The following ASIC2 variants were observed in gnomAD, a reference collection of about 807,000 sequenced individuals.
ASIC2 encodes acid sensing ion channel subunit 2.
Under a neutral mutation model 57.3 loss-of-function variants are expected in ASIC2, and 25 were observed. The ratio of observed to expected loss-of-function variants is 0.44; its 90% CI spans 0.32 to 0.61. The LOEUF (loss-of-function observed/expected upper bound fraction) is 0.61, where lower values mean the gene tolerates loss of function less well. Among genes scored for constraint, ASIC2 ranks in the 20% least tolerant of loss-of-function variants. The probability of loss-of-function intolerance (pLI) is 0.06; values close to 1 mark genes in which losing one functional copy is unlikely to be tolerated. For synonymous variants in ASIC2, 319 were observed against 307.5 expected (o/e 1.04, Z -0.39); for missense variants, 641 against 738.1 (o/e 0.87, Z 1.52).
intron 1 of ASIC2, among the ~76,000 whole-genome samples, chr17:33,552,742 C>A (rs957709194): frequency 1.3e-5 from 2 of 152,180 alleles, no homozygotes. Flanking sequence ...TTTGAGGTAA[C>A]AATTTTAGGG....
chr17:33,789,002 G>C (rs763563651), intron 1 of ASIC2, among the ~76,000 whole-genome samples: 7 of 152,080 alleles, frequency 4.6e-5, no homozygotes, highest in Admixed American at 3.3e-4. Flanking sequence ...TGCACATTCT[G>C]CACATGTATC....
intron 1 of ASIC2, among the ~76,000 whole-genome samples, chr17:33,338,201 GA>G (rs763002506): frequency 1.2e-4 from 18 of 151,864 alleles, no homozygotes; most frequent in Non-Finnish European, 2.1e-4. Context: ...AGGTGTTCTG[GA>G]AGGGAAAGGA....
At chr17:33,353,032 T>G (rs2142250826) in intron 1 of ASIC2, among the ~76,000 whole-genome samples, 1 of 152,338 alleles carries the variant, frequency 6.6e-6, no homozygotes, top group Non-Finnish European at 1.5e-5. Context: ...CACTGGATTC[T>G]GAGCTCCTTA....
At chr17:33,365,120 A>C (rs929484380) in intron 1 of ASIC2, among the ~76,000 whole-genome samples, 1 of 152,182 alleles carries the variant, frequency 6.6e-6, no homozygotes, top group Non-Finnish European at 1.5e-5. Flanking sequence ...TTTCCTAAAC[A>C]TGCTTGGATG....
At chr17:33,176,707 G>T (rs909320266) in intron 1 of ASIC2, among the ~76,000 whole-genome samples, 4 of 152,226 alleles carry the variant, frequency 2.6e-5, no homozygotes, top group African/African-American at 4.8e-5. Flanking sequence ...GACAATTCAG[G>T]GAAGTATGCA....
At chr17:33,346,893 C>A (rs779929273) in intron 1 of ASIC2, among the ~76,000 whole-genome samples, 1 of 152,038 alleles carries the variant, frequency 6.6e-6, no homozygotes, top group Non-Finnish European at 1.5e-5. Context: ...AAGCCTAGAG[C>A]GGAAAGTGTT....
intron 1 of ASIC2, among the ~76,000 whole-genome samples, chr17:33,686,546 A>T (rs1308845212): frequency 6.6e-6 from 1 of 152,078 alleles, no homozygotes; most frequent in Admixed American, 6.5e-5. Context: ...GCTGGTTGAG[A>T]TCCATGGGCA....
At chr17:33,330,774 T>A (rs1157415679) in intron 1 of ASIC2, among the ~76,000 whole-genome samples, 1 of 152,144 alleles carries the variant, frequency 6.6e-6, no homozygotes, top group Admixed American at 6.5e-5. Flanking sequence ...TTCATAAGGA[T>A]TGAGTCATAA....
In ASIC2 at chr17:33,209,932, A is replaced by C. The variant is rs1446963554; in HGVS notation, c.708+81476T>G. Among the ~76,000 whole-genome samples, 10 of 152,294 alleles carry C rather than the reference A, an allele frequency of 6.6e-5. No individual in the cohort carries two copies. In the East Asian group the frequency reaches 1.9e-3, roughly 29 times the overall value. On this transcript the variant is annotated intron_variant, in intron 1 of 9. Transcript: ENST00000225823. ...ACCTGGCTTCCCATAAACTATGTCC[A>C]AATAGGGAACAACTCCTGACTTGGT...
intron 3 of ASIC2, among the ~76,000 whole-genome samples, chr17:33,045,649 C>G (rs1008395641): frequency 5.9e-5 from 9 of 152,022 alleles, no homozygotes; most frequent in South Asian, 2.1e-4. Context: ...ATGGCGGGGG[C>G]CACCATCTGA....
At chr17:33,459,223 T>G (rs1169988797) in intron 1 of ASIC2, among the ~76,000 whole-genome samples, 1 of 152,034 alleles carries the variant, frequency 6.6e-6, no homozygotes, top group East Asian at 1.9e-4. Flanking sequence ...GAGTGATTCA[T>G]CACCTGCTAC....
chr17:34,085,486 G>A (rs958263174), intron 1 of ASIC2, among the ~76,000 whole-genome samples: 5 of 152,292 alleles, frequency 3.3e-5, no homozygotes, highest in Non-Finnish European at 5.9e-5. Context: ...CAAGGATATT[G>A]GTCTAAAATT....
intron 1 of ASIC2, among the ~76,000 whole-genome samples, chr17:33,310,944 T>A (rs927850194): frequency 9.2e-5 from 14 of 152,206 alleles, no homozygotes; most frequent in Non-Finnish European, 1.5e-4. Flanking sequence ...GCTGGAGCTT[T>A]CTTGGGAATC....
At position 34,156,599 on chromosome 17, in the gene ASIC2, T is replaced by C. The variant is rs1379887943; in HGVS notation, c.-67A>G. On this transcript the variant is annotated 5_prime_UTR_variant, in exon 1 of 10. Coordinates refer to the ASIC2 transcript ENST00000359872. The surrounding 1 kb of genome is among the most constrained non-coding windows in gnomAD (Gnocchi z 4.4). ...AATTTCAGAGAAGAGCTCCCAGTCCTCGGGCTCTGCTTAAACCTTGACGTT... is the reference window on the plus strand; with the variant it reads ...AATTTCAGAGAAGAGCTCCCAGTCCCCGGGCTCTGCTTAAACCTTGACGTT... The C allele has an allele frequency of 6.7e-7, 1 of 1,481,518 alleles. No individual in the cohort carries two copies. 91.8% of individuals were successfully genotyped at this position (1,481,518 alleles called of 1,614,324 possible). A position where few individuals can be genotyped will look rare whatever the true frequency, so the allele number is the denominator to read the frequency against.
intron 1 of ASIC2, among the ~76,000 whole-genome samples, chr17:33,512,562 T>G (rs977471981): frequency 1.3e-5 from 2 of 152,156 alleles, no homozygotes; most frequent in South Asian, 2.1e-4. Context: ...AGAAGATGAA[T>G]GAGTCTCAGA....
chr17:33,675,477 G>A (rs538716116), intron 1 of ASIC2, among the ~76,000 whole-genome samples: 13 of 152,300 alleles, frequency 8.5e-5, no homozygotes, highest in African/African-American at 2.4e-4. Context: ...GAAAAAGCCT[G>A]CAACCTGGGG....
intron 1 of ASIC2, among the ~76,000 whole-genome samples, chr17:34,073,214 T>A (rs1909489981): frequency 6.6e-6 from 1 of 152,194 alleles, no homozygotes; most frequent in Non-Finnish European, 1.5e-5. Context: ...AAGTCTGTCA[T>A]TGTCATATGG....
intron 1 of ASIC2, among the ~76,000 whole-genome samples, chr17:34,095,680 G>T (rs116908816): frequency 0.16 from 20,132 of 124,146 alleles, 1,790 homozygotes; most frequent in African/African-American, 0.24. Flanking sequence ...TAGAGAGAGA[G>T]ATATATATAA....
At chr17:33,309,330 A>G (rs1407255587) in intron 1 of ASIC2, among the ~76,000 whole-genome samples, 1 of 152,226 alleles carries the variant, frequency 6.6e-6, no homozygotes, top group African/African-American at 2.4e-5. Context: ...TCTTTTAAAG[A>G]CAAAGATGAG....
Sources: gnomAD v4.1 joint callset for allele counts (sites outside exome capture counted in the v4.1 genomes callset) on GRCh38, gnomAD v4.1.1 for gene constraint, Gnocchi (gnomAD v3.1) non-coding constraint, MANE v1.5 for transcripts, NCBI Gene and HGNC (gene_info 2026-07-23, HGNC 2026-07-21) for gene names.